The following MYH14 variants were observed in gnomAD, a reference collection of about 807,000 sequenced individuals.
MYH14 encodes myosin-14.
In MYH14, 123 loss-of-function variants were observed where a neutral mutation model predicts 255.5. The observed-to-expected ratio is 0.48, with a 90% CI of 0.42 to 0.56. The LOEUF (loss-of-function observed/expected upper bound fraction) is 0.56, where lower values mean the gene tolerates loss of function less well. Among genes scored for constraint, MYH14 ranks in the 20% least tolerant of loss-of-function variants. The pLI, the probability that MYH14 is intolerant of heterozygous loss-of-function variation, is 0.00. For missense variants in MYH14, 2,423 were observed against 2,802.3 expected, an observed-to-expected ratio of 0.86 and a Z score of 3.06; for synonymous variants, 1,095 against 1,161.2, an observed-to-expected ratio of 0.94 and a Z score of 1.16.
At chr19:50,304,215 G>A (rs1051989567) in intron 40 of MYH14, among the ~76,000 whole-genome samples, 1 of 152,184 alleles carries the variant, frequency 6.6e-6, no homozygotes, top group African/African-American at 2.4e-5. Context: ...TATCTCATGG[G>A]GAGGAATGTT....
rs762863836 is a variant in MYH14, at chr19:50,286,556, G to A, written c.4614G>A (p.Glu1538=). The A allele has an allele frequency of 1.1e-5, 17 of 1,612,548 alleles. No homozygotes were observed. The highest frequency in any genetic ancestry group is 1.4e-5 in the Non-Finnish European group (16 of 1,179,496). ...ERERAEAEGR[E]REARALSLTR... is the part of the protein sequence containing the mutation. ...AGCGGGCCGAGGCAGAGGGCCGGGA[G>A]CGTGAGGCTCGGGCCCTGTCACTGA... Residue 1538 remains glutamate, a synonymous_variant, in exon 34 of 43, where the codon GAG becomes GAA. Transcript: ENST00000642316.
At position 50,268,364 on chromosome 19, in the gene MYH14, A is replaced by G. The variant is rs2035171854; in HGVS notation, c.3030A>G (p.Ile1010Met). ...QTEKKRLQQH[I>M]QELEAHLEAE... ...AGAAGAAGAGGCTGCAGCAGCACAT[A>G]CAGGTCTGGCCCCTTGCATGCCCAC... The change falls in exon 24 of 43, where the codon ATA (isoleucine) becomes ATG (methionine). Residue 1010 changes from isoleucine to methionine, a missense_variant. By Grantham distance (10) the Ile-to-Met change is conservative. Coordinates refer to ENST00000642316, the MANE Select transcript of MYH14 (RefSeq NM_001145809.2). 1 of 1,566,116 alleles carries G rather than the reference A, an allele frequency of 6.4e-7. No individual in the cohort carries two copies. Among genetic ancestry groups the G allele is most frequent in the Non-Finnish European group, 8.6e-7 (1 of 1,156,740 alleles).
At chr19:50,267,149 C>A in intron 23 of MYH14, 141 bp downstream of exon 23, 1 of 835,280 alleles carries the variant, frequency 1.2e-6, no homozygotes, top group Non-Finnish European at 1.8e-6. Context: ...GGGAGCAAAG[C>A]TAAGGTGTAC....
At chr19:50,273,174 C>CT (rs2035374135) in intron 27 of MYH14, among the ~76,000 whole-genome samples, 1 of 151,378 alleles carries the variant, frequency 6.6e-6, no homozygotes, top group Non-Finnish European at 1.5e-5. Flanking sequence ...GCCTGTAATC[C>CT]CAGCTACTCA....
intron 10 of MYH14, 64 bp from the exon 11 acceptor site, chr19:50,244,178 G>T: frequency 3.5e-6 from 5 of 1,416,730 alleles, no homozygotes; most frequent in Non-Finnish European, 5.0e-6. Context: ...CATGTTTAAG[G>T]GGCCAGTTAA....
At chr19:50,224,897 G>A in intron 6 of MYH14, 1 of 455,786 alleles carries the variant, frequency 2.2e-6, no homozygotes, top group South Asian at 1.6e-5. Context: ...TTGAGGCCAG[G>A]AGTTCAAGAC....
At chr19:50,288,152 T>C (rs775011226) in intron 34 of MYH14, among the ~76,000 whole-genome samples, 11 of 152,198 alleles carry the variant, frequency 7.2e-5, no homozygotes, top group Non-Finnish European at 1.2e-4. Flanking sequence ...CATTTATGGA[T>C]CACACCCAGG....
rs1473050484 is a variant in MYH14, at chr19:50,259,202, A to G, written c.2291A>G (p.Glu764Gly). 64 of 1,582,780 alleles carry G rather than the reference A, an allele frequency of 4.0e-5. No individual in the cohort carries two copies. The highest frequency in any genetic ancestry group is 5.5e-5 in the Non-Finnish European group (64 of 1,164,068). Residue 764 changes from glutamate to glycine, a missense_variant, in exon 19 of 43, where the codon GAG (glutamate) becomes GGG (glycine). By Grantham distance (98) the Glu-to-Gly change is moderately conservative. This residue lies in a region of MYH14 where 672 missense variants were observed against 881.8 expected (regional missense o/e 0.76). Transcript: ENST00000642316. ...CAGCTTCGCTGCAACGGGGTCCTGG[A>G]GGGCATCCGCATCTGTCGCCAGGGC... ...LDQLRCNGVL[E>G]GIRICRQGFP...
chr19:50,302,373 G>A (rs1219357413), intron 40 of MYH14, among the ~76,000 whole-genome samples: 1 of 151,452 alleles, frequency 6.6e-6, no homozygotes, highest in Non-Finnish European at 1.5e-5. Flanking sequence ...TTTGAAGGCA[G>A]GAGTTTGAGA....
chr19:50,268,190 G>A lies in MYH14; in HGVS notation c.2856G>A (p.Glu952=). 1 of 1,552,296 alleles carries A rather than the reference G, an allele frequency of 6.4e-7. No homozygotes were observed. ...AAGAGGAGCGCGCCCGCCTGGCAGA[G>A]CAATTGCGAGCAGAGGCAGAACTGT... ...QLEEERARLA[E]QLRAEAELCA... Residue 952 remains glutamate (E), a synonymous_variant, in exon 24 of 43, where the codon GAG becomes GAA. Coordinates refer to ENST00000642316, the MANE Select transcript of MYH14 (RefSeq NM_001145809.2).
chr19:50,281,686 C>G lies in MYH14; in HGVS notation c.4383C>G (p.Ala1461=). Residue 1461 remains alanine, a synonymous_variant, in exon 33 of 43, where the codon GCC becomes GCG. Transcript: ENST00000642316. The stretch of plus-strand genomic sequence containing the variant: ...GCCGGGCAGCCCGGGAGGCCGAGGC[C>G]CTGACCCAGCGCCTGGCAGAAAAGA... The part of the protein sequence containing the change: ...ARRRAAREAE[A]LTQRLAEKTE... 1 of 1,611,736 alleles carries G rather than the reference C, an allele frequency of 6.2e-7. No homozygotes were observed. Among genetic ancestry groups the G allele is most frequent in the Non-Finnish European group, 8.5e-7 (1 of 1,179,458 alleles).
intron 5 of MYH14, 52 bp from the exon 6 acceptor site, chr19:50,224,102 C>T (rs572764886): frequency 1.5e-5 from 22 of 1,516,270 alleles, no homozygotes; most frequent in South Asian, 4.5e-5. Flanking sequence ...TGTCTGTCCA[C>T]GTTCCATGTG....
At chr19:50,287,392 T>G (rs2035927439) in intron 34 of MYH14, among the ~76,000 whole-genome samples, 1 of 152,208 alleles carries the variant, frequency 6.6e-6, no homozygotes, top group South Asian at 2.1e-4. Context: ...GAATCTTCTA[T>G]TACTTGTTTT....
At chr19:50,298,426 G>T (rs1220390606) in intron 39 of MYH14, among the ~76,000 whole-genome samples, 2 of 148,588 alleles carry the variant, frequency 1.3e-5, no homozygotes, top group Non-Finnish European at 3.0e-5. Context: ...ATGCACACAT[G>T]AAGTATATAC....
At chr19:50,246,850 T>C (rs2034148819) in intron 11 of MYH14, among the ~76,000 whole-genome samples, 154 bp from the exon 12 acceptor site, 2 of 152,124 alleles carry the variant, frequency 1.3e-5, no homozygotes, top group Non-Finnish European at 1.5e-5. Flanking sequence ...GGGCAGAGAA[T>C]GTACACACTT....
At chr19:50,229,845 G>A (rs1449580729) in intron 8 of MYH14, among the ~76,000 whole-genome samples, 1 of 152,074 alleles carries the variant, frequency 6.6e-6, no homozygotes, top group African/African-American at 2.4e-5. Context: ...TTTGAACCAG[G>A]CATTGTTCAG....
chr19:50,205,076 GTTGTTCCC>G (rs2031658653), intron 1 of MYH14, among the ~76,000 whole-genome samples: 1 of 152,092 alleles, frequency 6.6e-6, no homozygotes, highest in African/African-American at 2.4e-5. Context: ...TATAGATTTT[GTTGTTCCC>G]TTCCCGCAGT....
In MYH14 at chr19:50,250,037, G is replaced by A. The variant is rs925870144; in HGVS notation, c.1656+214G>A. ...CCACAGGGCCCGGCTCAAATCAATCGGTTAATCAGAGCTCTCACCGTAACT... is the reference window on the plus strand; with the variant it reads ...CCACAGGGCCCGGCTCAAATCAATCAGTTAATCAGAGCTCTCACCGTAACT... On this transcript the variant is annotated intron_variant, in intron 14 of 42. Coordinates refer to ENST00000642316, the MANE Select transcript of MYH14 (RefSeq NM_001145809.2). This position sits in a 1 kb window ranked among gnomAD's most constrained non-coding sequence, Gnocchi z 5.4. Among the ~76,000 whole-genome samples the A allele has an allele frequency of 3.3e-5, 5 of 152,336 alleles. No homozygotes were observed. Among genetic ancestry groups the A allele is most frequent in the East Asian group, 3.9e-4 (2 of 5,186 alleles).
At chr19:50,289,231 A>G (rs1156857117) in intron 34 of MYH14, among the ~76,000 whole-genome samples, 1 of 152,202 alleles carries the variant, frequency 6.6e-6, no homozygotes, top group Non-Finnish European at 1.5e-5. Flanking sequence ...TCAGTTATTC[A>G]TGAAATACAT....
Sources: allele counts gnomAD v4.1 joint callset (sites outside exome capture counted in the v4.1 genomes callset), GRCh38; gene constraint gnomAD v4.1.1; regional missense constraint gnomAD v4.1.1; non-coding constraint Gnocchi (gnomAD v3.1); transcripts MANE v1.5; gene names NCBI Gene and HGNC (gene_info 2026-07-23, HGNC 2026-07-21).